Variants in EPSTI1 observed in about 807,000 individuals in gnomAD.
EPSTI1 encodes epithelial-stromal interaction protein 1.
A neutral mutation model predicts 49.9 loss-of-function variants in EPSTI1; 66 were observed. The observed-to-expected ratio is 1.32, with a 90% CI of 1.08 to 1.62. The LOEUF (loss-of-function observed/expected upper bound fraction) is 1.62. Ranked by LOEUF, EPSTI1 falls within the 40% of genes most tolerant of loss-of-function variation. The probability of loss-of-function intolerance (pLI) is 0.00; values close to 1 mark genes in which losing one functional copy is unlikely to be tolerated. For missense variants in EPSTI1, 394 were observed against 365.5 expected, an observed-to-expected ratio of 1.08 and a Z score of -0.64; for synonymous variants, 137 against 130.7, an observed-to-expected ratio of 1.05 and a Z score of -0.33.
At chr13:42,940,189 C>G (rs2038707022) in intron 6 of EPSTI1, among the ~76,000 whole-genome samples, 1 of 152,204 alleles carries the variant, frequency 6.6e-6, no homozygotes, top group Admixed American at 6.5e-5. Context: ...CCCGAACATA[C>G]CAGCTTCCTT....
intron 3 of EPSTI1, among the ~76,000 whole-genome samples, chr13:42,964,533 T>C (rs890708047): frequency 6.6e-6 from 1 of 152,162 alleles, no homozygotes; most frequent in African/African-American, 2.4e-5. Flanking sequence ...AAGATGGTGA[T>C]CAAAGGTGCT....
intron 1 of EPSTI1, chr13:42,991,257 T>C (rs1168824779): frequency 6.6e-6 from 1 of 152,496 alleles, no homozygotes; most frequent in Non-Finnish European, 1.5e-5. Context: ...TCTGATACAG[T>C]AATTCCGTTT....
At chr13:42,925,284 G>C (rs2038135444) in intron 7 of EPSTI1, among the ~76,000 whole-genome samples, 1 of 152,154 alleles carries the variant, frequency 6.6e-6, no homozygotes, top group African/African-American at 2.4e-5. Context: ...ATCTAACCTT[G>C]AGTTTTCCCT....
intron 7 of EPSTI1, among the ~76,000 whole-genome samples, chr13:42,920,466 A>G (rs1159115288): frequency 6.6e-6 from 1 of 152,126 alleles, no homozygotes; most frequent in African/African-American, 2.4e-5. Context: ...GCTAGAGGAC[A>G]CCTATGGGGA....
chr13:42,980,965 T>C (rs2039976871), intron 1 of EPSTI1, among the ~76,000 whole-genome samples: 1 of 152,234 alleles, frequency 6.6e-6, no homozygotes, highest in Non-Finnish European at 1.5e-5. Context: ...TCAGCTTTTC[T>C]TACAAGATTA....
intron 6 of EPSTI1, among the ~76,000 whole-genome samples, chr13:42,927,425 G>A (rs1047388901): frequency 6.6e-6 from 1 of 152,096 alleles, no homozygotes; most frequent in African/African-American, 2.4e-5. Flanking sequence ...CCAGACTTGC[G>A]CAGCCTGTTC....
intron 1 of EPSTI1, among the ~76,000 whole-genome samples, chr13:42,971,927 G>C (rs928720418): frequency 6.6e-6 from 1 of 152,152 alleles, no homozygotes; most frequent in Non-Finnish European, 1.5e-5. Context: ...ACAACGTTAT[G>C]AATACAAAAT....
At chr13:42,982,680 G>A (rs1264581038) in intron 1 of EPSTI1, among the ~76,000 whole-genome samples, 1 of 152,214 alleles carries the variant, frequency 6.6e-6, no homozygotes, top group Non-Finnish European at 1.5e-5. Flanking sequence ...TTAAAGCTAT[G>A]ATGGGGTTCA....
chr13:42,905,485 G>C (rs2037474065), intron 8 of EPSTI1, among the ~76,000 whole-genome samples: 1 of 152,106 alleles, frequency 6.6e-6, no homozygotes, highest in Non-Finnish European at 1.5e-5. Flanking sequence ...GCATATTCTT[G>C]GTTCATTTAC....
Position 42,991,982 on chromosome 13 carries a change from T to C in EPSTI1, c.184A>G (p.Arg62Gly), listed in dbSNP as rs755800583. 3 of 1,611,704 alleles carry C rather than the reference T, an allele frequency of 1.9e-6. No individual in the cohort carries two copies. Among genetic ancestry groups the C allele is most frequent in the African/African-American group, 1.3e-5 (1 of 74,528 alleles). Residue 62 changes from arginine to glycine, a missense_variant, in exon 1 of 11, where the codon AGG becomes GGG. Transcript: ENST00000313624. The stretch of plus-strand genomic sequence containing the variant: ...CCAGGTTGTTAAAATACTCACCGCC[T>C]CTGGCCCGCGTGCACGACGCTCTCC... ...SRESVVHAGQ[R>G]RTSAYTLIAP...
intron 6 of EPSTI1, among the ~76,000 whole-genome samples, chr13:42,949,355 C>T (rs1021840055): frequency 7.9e-5 from 12 of 152,026 alleles, no homozygotes; most frequent in African/African-American, 1.7e-4. Flanking sequence ...TTTGGGAGGC[C>T]GAGGCAGGTG....
chr13:42,985,705 A>G (rs1405325156), intron 1 of EPSTI1, among the ~76,000 whole-genome samples: 1 of 152,220 alleles, frequency 6.6e-6, no homozygotes, highest in Non-Finnish European at 1.5e-5. Flanking sequence ...AAACCATCCC[A>G]AGAAAATTGT....
At position 42,992,001 on chromosome 13, in the gene EPSTI1, G is replaced by A. The variant is rs41288323; in HGVS notation, c.165C>T (p.Ser55=). 2.6e-3 allele frequency: 4,205 copies of A among 1,613,294 alleles called. 25 individuals are homozygous for A. Among genetic ancestry groups the A allele is most frequent in the South Asian group, 0.012 (1,057 of 91,088 alleles). The change falls in exon 1 of 11, where the codon AGC becomes AGT. Residue 55 remains serine (S), a synonymous_variant. Coordinates refer to ENST00000313624, the MANE Select transcript of EPSTI1 (RefSeq NM_033255.5). ...EAAPKGPSRE[S]VVHAGQRRTS... Reference sequence around the variant, plus strand: ...ACCGCCTCTGGCCCGCGTGCACGACGCTCTCCCGCGAAGGGCCCTTAGGGG... The same window carrying A: ...ACCGCCTCTGGCCCGCGTGCACGACACTCTCCCGCGAAGGGCCCTTAGGGG...
chr13:42,926,041 A>AAGGAAGGAAGGAAAGAAGGAAGGAAGGT, intron 7 of EPSTI1, among the ~76,000 whole-genome samples: 1 of 137,904 alleles, frequency 7.3e-6, no homozygotes, highest in East Asian at 2.1e-4. Flanking sequence ...GGAAGGAAGG[A>AAGGAAGGAAGGAAAGAAGGAAGGAAGGT]AGGAAGGTAG....
intron 5 of EPSTI1, among the ~76,000 whole-genome samples, chr13:42,961,142 T>C (rs2039436688): frequency 1.3e-5 from 2 of 152,192 alleles, no homozygotes; most frequent in Admixed American, 1.3e-4. Context: ...CCCTCTGAGG[T>C]TTGGCTTTAG....
intron 8 of EPSTI1, among the ~76,000 whole-genome samples, chr13:42,914,923 A>G (rs1291468699): frequency 6.6e-6 from 1 of 152,244 alleles, no homozygotes; most frequent in Non-Finnish European, 1.5e-5. Flanking sequence ...CACAGGTAAA[A>G]TATTTAGAGT....
rs569676135 is a variant in EPSTI1, at chr13:42,929,845, TG to T, written c.564-3417del. Among the ~76,000 whole-genome samples, 40 of 152,334 alleles carry T rather than the reference TG, an allele frequency of 2.6e-4. No individual in the cohort carries two copies. In the East Asian group the frequency reaches 7.7e-3, roughly 29 times the overall value. On this transcript the variant is annotated intron_variant, in intron 6 of 10. Transcript: ENST00000313624. ...ATAAAAAACCCCACACAGACTATGG[TG>T]GTGTTTACTAGGGAAAGACTTGGCA...
chr13:42,980,906 G>T (rs2039975852), intron 1 of EPSTI1, among the ~76,000 whole-genome samples: 1 of 152,176 alleles, frequency 6.6e-6, no homozygotes, highest in South Asian at 2.1e-4. Flanking sequence ...ATATTCTGAA[G>T]ATTTTTAATA....
At chr13:42,931,229 C>T (rs375273430) in intron 6 of EPSTI1, among the ~76,000 whole-genome samples, 6 of 141,698 alleles carry the variant, frequency 4.2e-5, no homozygotes, top group Non-Finnish European at 6.0e-5. Flanking sequence ...GACGGAGTCT[C>T]GCTCTGTCGC....
Sources: gnomAD v4.1 joint callset for allele counts (sites outside exome capture counted in the v4.1 genomes callset) on GRCh38, gnomAD v4.1.1 for gene constraint, MANE v1.5 for transcripts, NCBI Gene and HGNC (gene_info 2026-07-23, HGNC 2026-07-21) for gene names.